Variants in RYR3 observed in about 807,000 individuals in gnomAD.
RYR3 encodes ryanodine receptor 3, also known as brain ryanodine receptor-calcium release channel.
Under a neutral mutation model 584.3 loss-of-function variants are expected in RYR3, and 207 were observed. The ratio of observed to expected loss-of-function variants is 0.35; its 90% CI spans 0.32 to 0.40. The LOEUF (loss-of-function observed/expected upper bound fraction) is 0.40, where lower values mean the gene tolerates loss of function less well. RYR3 is among the 10% of genes least tolerant of loss of function. The pLI, the probability that RYR3 is intolerant of heterozygous loss-of-function variation, is 1.00. For missense variants in RYR3, 5,616 were observed against 6,089.2 expected, an observed-to-expected ratio of 0.92 and a Z score of 2.59; for synonymous variants, 2,416 against 2,248.5, an observed-to-expected ratio of 1.07 and a Z score of -2.11.
At chr15:33,459,855 A>G (rs553076346) in intron 1 of RYR3, among the ~76,000 whole-genome samples, 18 of 152,368 alleles carry the variant, frequency 1.2e-4, no homozygotes, top group African/African-American at 3.6e-4. Flanking sequence ...GATTGAAATT[A>G]TTGCAAGTGA....
intron 35 of RYR3, among the ~76,000 whole-genome samples, chr15:33,663,261 G>A (rs923287449): frequency 6.6e-6 from 1 of 152,184 alleles, no homozygotes; most frequent in Non-Finnish European, 1.5e-5. Context: ...CAGCATTCAC[G>A]TGCATGATCT....
intron 12 of RYR3, among the ~76,000 whole-genome samples, chr15:33,568,868 G>C (rs1475088271): frequency 6.6e-6 from 1 of 152,104 alleles, no homozygotes; most frequent in Non-Finnish European, 1.5e-5. Flanking sequence ...ACAGCCCTAG[G>C]CAACCACTAA....
At position 33,663,556 on chromosome 15, in the gene RYR3, A is replaced by C. The variant is rs372615267; in HGVS notation, c.5438A>C (p.Tyr1813Ser). Residue 1813 changes from tyrosine (Y) to serine (S), a missense_variant, in exon 36 of 104, where the codon TAT (tyrosine) becomes TCT (serine). Tyr to Ser is a moderately radical substitution (Grantham distance 144). Transcript: ENST00000634891. The stretch of plus-strand genomic sequence containing the variant: ...TTGCAGATGTGTGAGCTCCTCAGCT[A>C]TCTCTGCGACTGTGAGCTGCAGCAC... ...VKLQMCELLS[Y>S]LCDCELQHRV... The C allele has an allele frequency of 6.2e-7, 1 of 1,613,702 alleles. No individual in the cohort carries two copies. Among genetic ancestry groups the C allele is most frequent in the Non-Finnish European group, 8.5e-7 (1 of 1,179,850 alleles).
intron 14 of RYR3, among the ~76,000 whole-genome samples, chr15:33,582,143 A>G (rs2058625126): frequency 1.3e-5 from 2 of 152,218 alleles, no homozygotes; most frequent in Admixed American, 1.3e-4. Context: ...TCTTCTCACA[A>G]TATGGAGTGT....
At chr15:33,649,697 C>T (rs78777929) in intron 31 of RYR3, among the ~76,000 whole-genome samples, 3,130 of 152,306 alleles carry the variant, frequency 0.021, 56 homozygotes, top group South Asian at 0.084. Flanking sequence ...ATAAAAGAGA[C>T]ATTGAAACTT....
intron 67 of RYR3, among the ~76,000 whole-genome samples, chr15:33,797,430 G>A (rs972789797): frequency 2.0e-5 from 3 of 152,130 alleles, no homozygotes; most frequent in Admixed American, 6.5e-5. Flanking sequence ...ATGAGCGAAT[G>A]TGAAAAGCTA....
At chr15:33,631,080 C>G (rs2061240256) in intron 22 of RYR3, 130 bp from the exon 23 acceptor site, 2 of 586,246 alleles carry the variant, frequency 3.4e-6, no homozygotes, top group East Asian at 2.9e-5. Context: ...TGGCCCCTTA[C>G]AGAAAAAGTC....
In RYR3 at chr15:33,805,706, T is replaced by C. The variant is rs535936098; in HGVS notation, c.10012-1849T>C. Among the ~76,000 whole-genome samples the C allele has an allele frequency of 2.1e-4, 32 of 151,846 alleles. 1 individual carries two copies. Among genetic ancestry groups the C allele is most frequent in the Admixed American group, 1.7e-3 (26 of 15,220 alleles). On this transcript the variant is annotated intron_variant, in intron 69 of 103. Coordinates refer to ENST00000634891, the MANE Select transcript of RYR3 (RefSeq NM_001036.6). ...GTTAGCCAGGATGGTCTCGATCTCC[T>C]GACGTCATGATCCGCCCGCCTCGGC... is the stretch of plus-strand genomic sequence containing the variant.
chr15:33,623,250 G>A lies in RYR3; in HGVS notation c.2358-557G>A, dbSNP rs1158550568. On this transcript the variant is annotated intron_variant, in intron 19 of 103. Transcript: ENST00000634891. ...GCTGCGGGGGAATGCGGTCTCCACA[G>A]TGTAACATTTTTAAGTAACCTCGCC... 2.0e-5 allele frequency among the ~76,000 whole-genome samples: 3 copies of A among 152,346 alleles called. No individual in the cohort carries two copies. The East Asian group carries it at 5.8e-4, about 29-fold the overall frequency.
chr15:33,559,894 T>A, intron 10 of RYR3, among the ~76,000 whole-genome samples: 1 of 152,122 alleles, frequency 6.6e-6, no homozygotes, highest in Non-Finnish European at 1.5e-5. Context: ...AAGTGTAATG[T>A]CAGTAAAGGC....
intron 1 of RYR3, among the ~76,000 whole-genome samples, chr15:33,425,936 C>T (rs1291401726): frequency 6.6e-6 from 1 of 152,126 alleles, no homozygotes; most frequent in Non-Finnish European, 1.5e-5. Flanking sequence ...GCCACCGCGC[C>T]TGGACTGTTT....
chr15:33,493,066 A>T lies in RYR3; in HGVS notation c.172-10565A>T, dbSNP rs78063872. Among the ~76,000 whole-genome samples the T allele has an allele frequency of 6.5e-3, 988 of 152,262 alleles. 7 individuals carry two copies. Among genetic ancestry groups the T allele is most frequent in the African/African-American group, 0.023 (939 of 41,550 alleles). ...AAGCTCATTTGTGTTCTTCCCACCA[A>T]AAGTACAGTGAAACAAAATTTGAGA... On this transcript the variant is annotated intron_variant, in intron 2 of 103. Coordinates refer to ENST00000634891, the MANE Select transcript of RYR3 (RefSeq NM_001036.6).
intron 10 of RYR3, among the ~76,000 whole-genome samples, chr15:33,553,359 A>G (rs2056827307): frequency 6.6e-6 from 1 of 152,054 alleles, no homozygotes; most frequent in African/African-American, 2.4e-5. Flanking sequence ...TATGACTACT[A>G]AATTAGGGGC....
chr15:33,311,264 G>A lies in RYR3; in HGVS notation c.51+168G>A, dbSNP rs2140432517. ...ACCGGCCACCTACCCGCGGGGCCGC[G>A]AGGGGCTGCGTGGGAAGGGGCACCA... On this transcript the variant is annotated intron_variant, in intron 1 of 103. Transcript: ENST00000634891. The surrounding 1 kb of genome is among the most constrained non-coding windows in gnomAD (Gnocchi z 4.4). 6.6e-6 allele frequency among the ~76,000 whole-genome samples: 1 copy of A among 152,228 alleles called. No individual in the cohort carries two copies. Among genetic ancestry groups the A allele is most frequent in the Non-Finnish European group, 1.5e-5 (1 of 67,982 alleles).
chr15:33,846,919 C>T (rs1240754951), intron 93 of RYR3: 1 of 152,172 alleles, frequency 6.6e-6, no homozygotes, highest in Admixed American at 6.5e-5. Context: ...TAGAGTTCAG[C>T]TTATTAGATG....
rs190094744 is a variant in RYR3, at chr15:33,609,801, G to A, written c.2165-3382G>A. Among the ~76,000 whole-genome samples the A allele has an allele frequency of 2.9e-3, 446 of 152,236 alleles. 2 individuals are homozygous for A. The highest frequency in any genetic ancestry group is 0.014 in the South Asian group (67 of 4,814). The stretch of plus-strand genomic sequence containing the variant: ...ATATATAGATTTTTTTCATAGCAAG[G>A]ACTTGAACAGGAGGAAGAAAAGATC... On this transcript the variant is annotated intron_variant, in intron 18 of 103. Transcript: ENST00000634891.
chr15:33,857,976 T>C, intron 99 of RYR3, 62 bp downstream of exon 99: 1 of 1,600,848 alleles, frequency 6.2e-7, no homozygotes, highest in Admixed American at 1.7e-5. Context: ...CCCCACCACC[T>C]CACTGGGAAG....
At position 33,494,562 on chromosome 15, in the gene RYR3, A is replaced by C. The variant is rs112828286; in HGVS notation, c.172-9069A>C. 4.5e-3 allele frequency among the ~76,000 whole-genome samples: 692 copies of C among 152,280 alleles called. 5 individuals are homozygous for C. The highest frequency in any genetic ancestry group is 0.015 in the African/African-American group (639 of 41,550). On this transcript the variant is annotated intron_variant, in intron 2 of 103. Coordinates refer to ENST00000634891, the MANE Select transcript of RYR3 (RefSeq NM_001036.6). ...GCACCTAGAGAGAGTCTTTGTGCTG[A>C]AAGTATTGCATTTCTGTGGTTTATT...
intron 10 of RYR3, among the ~76,000 whole-genome samples, chr15:33,559,602 A>G (rs1158942473): frequency 2.6e-5 from 4 of 152,104 alleles, no homozygotes; most frequent in African/African-American, 9.7e-5. Context: ...GCTGTAAGCT[A>G]TAGAGGTGGT....
Sources: gnomAD v4.1 joint callset for allele counts (sites outside exome capture counted in the v4.1 genomes callset) on GRCh38, gnomAD v4.1.1 for gene constraint, Gnocchi (gnomAD v3.1) non-coding constraint, MANE v1.5 for transcripts, NCBI Gene and HGNC (gene_info 2026-07-23, HGNC 2026-07-21) for gene names.